Variants in AS3MT observed in about 807,000 individuals in gnomAD.
AS3MT encodes the protein S-adenosyl-L-methionine:arsenic(III) methyltransferase.
Under a neutral mutation model 45.3 loss-of-function variants are expected in AS3MT, and 47 were observed. The observed-to-expected ratio is 1.04, with a 90% CI of 0.82 to 1.32. The LOEUF is 1.32. Ranked by LOEUF, AS3MT falls within the 40% of genes most tolerant of loss-of-function variation. The probability of loss-of-function intolerance (pLI) is 0.00; values close to 1 mark genes in which losing one functional copy is unlikely to be tolerated. For missense variants in AS3MT, 396 were observed against 451.1 expected, an observed-to-expected ratio of 0.88 and a Z score of 1.11; for synonymous variants, 141 against 152.8, an observed-to-expected ratio of 0.92 and a Z score of 0.57.
At chr10:102,879,034 C>G (rs201755295) in intron 9 of AS3MT, 43 bp downstream of exon 9, 3 of 1,577,092 alleles carry the variant, frequency 1.9e-6, no homozygotes, top group Non-Finnish European at 2.6e-6. Context: ...TCTTTCTGCT[C>G]TTGCCCTTGC....
chr10:102,872,350 G>C, intron 3 of AS3MT, 98 bp from the exon 4 acceptor site: 1 of 1,278,904 alleles, frequency 7.8e-7, no homozygotes, highest in Non-Finnish European at 1.1e-6. Flanking sequence ...AGGAAGGAAG[G>C]AACGGAGGGA....
chr10:102,883,083 G>T (rs1391792856), intron 9 of AS3MT, among the ~76,000 whole-genome samples: 2 of 120,186 alleles, frequency 1.7e-5, no homozygotes, highest in East Asian at 3.2e-4. Flanking sequence ...TAAGCAAAAT[G>T]TTTTATATAT....
intron 9 of AS3MT, among the ~76,000 whole-genome samples, chr10:102,886,243 GTTGT>G (rs1307760560): frequency 6.6e-6 from 1 of 151,084 alleles, no homozygotes; most frequent in Middle Eastern, 3.2e-3. Context: ...GCATTACTAG[GTTGT>G]TTATTTGAAG....
chr10:102,870,678 A>G (rs1160945091), intron 3 of AS3MT, among the ~76,000 whole-genome samples: 2 of 152,134 alleles, frequency 1.3e-5, no homozygotes, highest in Admixed American at 1.3e-4. Flanking sequence ...TTCAGCACCC[A>G]CTAATCAACC....
At chr10:102,873,365 C>G (rs1844727409) in intron 5 of AS3MT, 132 bp downstream of exon 5, 1 of 618,506 alleles carries the variant, frequency 1.6e-6, no homozygotes, top group Admixed American at 4.3e-5. Context: ...ACGATAACCT[C>G]TGCCTCCCGG....
At chr10:102,880,824 G>C (rs1164723902) in intron 9 of AS3MT, among the ~76,000 whole-genome samples, 1 of 152,156 alleles carries the variant, frequency 6.6e-6, no homozygotes, top group Non-Finnish European at 1.5e-5. Context: ...ACTAAAAAAA[G>C]GTGTTTCATT....
Position 102,873,300 on chromosome 10 carries a change from A to G in AS3MT, c.458+67A>G. On this transcript the variant is annotated intron_variant, in intron 5 of 10. Transcript: ENST00000369880. ...TTTATTATTATTATTATTATTATTG[A>G]GATGGACTCTCGCTCTGTCACCCAG... The G allele has an allele frequency of 4.3e-6, 5 of 1,172,912 alleles. 1 individual carries two copies. The highest frequency in any genetic ancestry group is 5.6e-6 in the Non-Finnish European group (5 of 895,102). The allele number at this position is 1,172,912 out of a possible 1,614,324, so 72.7% of individuals were successfully genotyped here.
intron 3 of AS3MT, 147 bp downstream of exon 3, chr10:102,870,358 T>A: frequency 9.3e-7 from 1 of 1,075,764 alleles, no homozygotes; most frequent in Admixed American, 2.4e-5. Context: ...TCAGCACCCA[T>A]CATCTTACTG....
intron 9 of AS3MT, among the ~76,000 whole-genome samples, chr10:102,886,438 T>C (rs2134123015): frequency 6.6e-6 from 1 of 151,482 alleles, no homozygotes; most frequent in South Asian, 2.1e-4. Flanking sequence ...AATTCTCCTG[T>C]CTCAGCCTCC....
chr10:102,890,769 G>A (rs1590228573), intron 10 of AS3MT, 91 bp downstream of exon 10: 1 of 1,315,536 alleles, frequency 7.6e-7, no homozygotes, highest in Non-Finnish European at 1.0e-6. Flanking sequence ...GGAGTGCAGT[G>A]GTGTGATCTT....
chr10:102,872,341 G>A, intron 3 of AS3MT, 107 bp from the exon 4 acceptor site: 1 of 1,187,828 alleles, frequency 8.4e-7, no homozygotes, highest in Admixed American at 2.2e-5. Context: ...AAAGAAGGAA[G>A]GAAGGAAGGA....
Position 102,896,996 on chromosome 10 carries a change from A to G in AS3MT, c.1021-3597A>G, listed in dbSNP as rs1280976881. On this transcript the variant is annotated intron_variant, in intron 10 of 10. Transcript: ENST00000369880. ...GATATTTTGAAACTCCTGAGAGTTC[A>G]TTGATAAGGAAAGCTGCTGGTGAGA... Among the ~76,000 whole-genome samples, 7 of 152,320 alleles carry G rather than the reference A, an allele frequency of 4.6e-5. No homozygotes were observed. In the East Asian group the frequency reaches 9.6e-4, roughly 21 times the overall value.
chr10:102,886,092 T>G (rs1231432319), intron 9 of AS3MT, among the ~76,000 whole-genome samples: 8 of 152,142 alleles, frequency 5.3e-5, no homozygotes, highest in Non-Finnish European at 8.8e-5. Flanking sequence ...TTATTTTATT[T>G]TTTCAAAAAA....
At chr10:102,888,397 A>G (rs1457153721) in intron 9 of AS3MT, among the ~76,000 whole-genome samples, 1 of 152,078 alleles carries the variant, frequency 6.6e-6, no homozygotes, top group African/African-American at 2.4e-5. Context: ...TGGGATACCT[A>G]TCACCTTCAA....
intron 9 of AS3MT, among the ~76,000 whole-genome samples, chr10:102,888,601 A>G (rs1273326045): frequency 6.6e-6 from 1 of 151,400 alleles, no homozygotes; most frequent in Non-Finnish European, 1.5e-5. Flanking sequence ...TTGTATTTTT[A>G]GTAGAGACGG....
intron 9 of AS3MT, chr10:102,887,783 G>A (rs2134124252): frequency 6.6e-6 from 1 of 152,602 alleles, no homozygotes; most frequent in East Asian, 1.9e-4. Flanking sequence ...TTTTTTTGGG[G>A]GGGGTTCCCA....
Position 102,873,171 on chromosome 10 carries a change from T to C in AS3MT, c.396T>C (p.Ile132=). 1 of 1,611,350 alleles carries C rather than the reference T, an allele frequency of 6.2e-7. No individual in the cohort carries two copies. The highest frequency in any genetic ancestry group is 8.5e-7 in the Non-Finnish European group (1 of 1,179,218). Residue 132 remains isoleucine (I), a synonymous_variant, in exon 5 of 11, where the codon ATT becomes ATC. Transcript: ENST00000369880. ...TCCAGGCATCTAATGTGACTTTTAT[T>C]CATGGCTACATTGAGAAGTTGGGAG... ...YGFQASNVTF[I]HGYIEKLGEA... is the part of the protein sequence containing the mutation.
rs2134110483 is a variant in AS3MT, at chr10:102,873,061, C to A, written c.322-36C>A. On this transcript the variant is annotated intron_variant, in intron 4 of 10. Transcript: ENST00000369880. ...TTAGGAAAAAGTTGTGTATTTTTTT[C>A]AAAATGTTATCAAAACTATATTTTT... 5 of 1,509,738 alleles carry A rather than the reference C, an allele frequency of 3.3e-6. No individual in the cohort carries two copies. The East Asian group carries it at 7.2e-5, about 22-fold the overall frequency. The allele number at this position is 1,509,738 out of a possible 1,614,324, so 93.5% of individuals were successfully genotyped here. A position where few individuals can be genotyped will look rare whatever the true frequency, so the allele number is the denominator to read the frequency against.
At chr10:102,870,854 G>C (rs1043932633) in intron 3 of AS3MT, among the ~76,000 whole-genome samples, 27 of 152,254 alleles carry the variant, frequency 1.8e-4, no homozygotes, top group African/African-American at 2.4e-5. Context: ...ATCCTTGAGC[G>C]GCCTCTTCCC....
Sources: gnomAD v4.1 joint callset for allele counts (sites outside exome capture counted in the v4.1 genomes callset) on GRCh38, gnomAD v4.1.1 for gene constraint, MANE v1.5 for transcripts, NCBI Gene and HGNC (gene_info 2026-07-23, HGNC 2026-07-21) for gene names.